ZNF33B: variants seen among roughly 807,000 people sequenced by gnomAD.
ZNF33B encodes the protein zinc finger protein 11b (KOX 2).
Under a neutral mutation model 45.8 loss-of-function variants are expected in ZNF33B, and 29 were observed. The observed-to-expected ratio is 0.63, with a 90% CI of 0.47 to 0.86. The LOEUF (loss-of-function observed/expected upper bound fraction) is 0.86. ZNF33B is among the 40% of genes least tolerant of loss of function. The probability of loss-of-function intolerance (pLI) is 0.00; values close to 1 mark genes in which losing one functional copy is unlikely to be tolerated. For synonymous variants in ZNF33B, 305 were observed against 307.8 expected (o/e 0.99, Z 0.10); for missense variants, 831 against 909.9 (o/e 0.91, Z 1.12).
intron 4 of ZNF33B, among the ~76,000 whole-genome samples, chr10:42,623,613 T>C (rs1192385279): frequency 1.3e-5 from 2 of 152,164 alleles, no homozygotes; most frequent in Admixed American, 1.3e-4. Flanking sequence ...ACATGAAATA[T>C]TCACAACATT....
chr10:42,636,425 T>A (rs1839302651), intron 2 of ZNF33B, among the ~76,000 whole-genome samples: 1 of 152,220 alleles, frequency 6.6e-6, no homozygotes, highest in Admixed American at 6.5e-5. Flanking sequence ...AAGAAACACA[T>A]GAAGCTCAAC....
Position 42,591,474 on chromosome 10 carries a change from A to T in ZNF33B, c.*1139T>A. On this transcript the variant is annotated 3_prime_UTR_variant, in exon 5 of 5. Transcript: ENST00000359467. ...TTTGATTTATAACTTTTAAATGGAT[A>T]AACATTAGCTCTGTGGGTCTCTATT... 3.5e-6 allele frequency: 1 copy of T among 287,066 alleles called. No homozygotes were observed. Among genetic ancestry groups the T allele is most frequent in the Non-Finnish European group, 5.2e-6 (1 of 191,434 alleles). 17.8% of individuals were successfully genotyped at this position (287,066 alleles called of 1,614,324 possible).
chr10:42,618,725 T>C (rs1203498537), intron 4 of ZNF33B, among the ~76,000 whole-genome samples: 2 of 152,184 alleles, frequency 1.3e-5, no homozygotes, highest in Non-Finnish European at 2.9e-5. Context: ...ATATATTAGT[T>C]TTCTTCAACA....
At chr10:42,609,264 A>G (rs1224135729) in intron 4 of ZNF33B, among the ~76,000 whole-genome samples, 2 of 152,096 alleles carry the variant, frequency 1.3e-5, no homozygotes, top group African/African-American at 2.4e-5. Context: ...AAAAAATTAC[A>G]AAAAATTAGC....
downstream of ZNF33B, among the ~76,000 whole-genome samples, chr10:42,584,525 CTT>C (rs200015044): frequency 2.1e-5 from 3 of 143,792 alleles, no homozygotes; most frequent in Admixed American, 7.0e-5. Context: ...TTCCTTTGAG[CTT>C]TTTTTTTTTT....
intron 4 of ZNF33B, among the ~76,000 whole-genome samples, chr10:42,619,387 CTAGCTG>C (rs1258749880): frequency 2.0e-5 from 3 of 152,118 alleles, no homozygotes; most frequent in Admixed American, 6.6e-5. Context: ...TGAGAATTCT[CTAGCTG>C]GTAAAACTGT....
rs201546399 is a variant in ZNF33B at position 42,575,712 on chromosome 10, A to ATG, written c.74-1035_74-1034insCA. 1.2e-3 allele frequency among the ~76,000 whole-genome samples: 134 copies of ATG among 115,990 alleles called. 1 individual carries two copies. Among genetic ancestry groups the ATG allele is most frequent in the African/African-American group, 6.6e-3 (131 of 19,982 alleles). 76.1% of individuals were successfully genotyped at this position (115,990 alleles called of 152,430 possible). A position where few individuals can be genotyped will look rare whatever the true frequency, so the allele number is the denominator to read the frequency against. On this transcript the variant is annotated intron_variant, in intron 1 of 1. Transcript: ENST00000462075. ...ATAAGTTTATAATGACTGCATAATA[A>ATG]TATATATATATATATACATATATAT...
Position 42,593,511 on chromosome 10 carries a change from T to C in ZNF33B, c.1439A>G (p.Gln480Arg). 6.2e-7 allele frequency: 1 copy of C among 1,614,084 alleles called. No individual in the cohort carries two copies. The highest frequency in any genetic ancestry group is 1.1e-5 in the South Asian group (1 of 91,084). The change falls in exon 5 of 5, where the codon CAA becomes CGA. Residue 480 changes from glutamine to arginine, a missense_variant. Coordinates refer to ENST00000359467, the MANE Select transcript of ZNF33B (RefSeq NM_006955.3). The part of the protein sequence containing the change: ...ECLECGKSFC[Q>R]KSHLTQHQRT... ...CTGATGCTGTGTAAGATGTGACTTT[T>C]GACAAAAGGATTTCCCACACTCAAG...
chr10:42,632,505 T>C (rs1839107971), intron 2 of ZNF33B, 66 bp from the exon 3 acceptor site: 18 of 1,556,382 alleles, frequency 1.2e-5, no homozygotes, highest in Admixed American at 2.2e-5. Flanking sequence ...ATGATTATTA[T>C]TCACAGAATA....
intron 4 of ZNF33B, among the ~76,000 whole-genome samples, chr10:42,628,544 T>C (rs1262781747): frequency 6.6e-6 from 1 of 152,232 alleles, no homozygotes; most frequent in Non-Finnish European, 1.5e-5. Context: ...CATTGCATTT[T>C]TGTTGGATTG....
Position 42,591,885 on chromosome 10 carries a change from T to C in ZNF33B, c.*728A>G, listed in dbSNP as rs1404516863. 1.3e-5 allele frequency: 2 copies of C among 152,358 alleles called. No individual in the cohort carries two copies. Among genetic ancestry groups the C allele is most frequent in the Middle Eastern group, 3.4e-3 (1 of 294 alleles). 9.4% of individuals were successfully genotyped at this position (152,358 alleles called of 1,614,324 possible). On this transcript the variant is annotated 3_prime_UTR_variant, in exon 5 of 5. Transcript: ENST00000359467. ...ACTCCTTTTCCATTCTGTAAACTAA[T>C]TGTGTTGATGGTTACTCAAATGTAA...
intron 2 of ZNF33B, among the ~76,000 whole-genome samples, chr10:42,633,156 A>G (rs1488342147): frequency 3.3e-5 from 5 of 152,226 alleles, no homozygotes; most frequent in Admixed American, 3.3e-4. Context: ...AAAGCCTGAC[A>G]TTTTCTTCAT....
intron 1 of ZNF33B, among the ~76,000 whole-genome samples, chr10:42,580,282 C>A (rs1352011718): frequency 6.6e-6 from 1 of 152,094 alleles, no homozygotes; most frequent in African/African-American, 2.4e-5. Context: ...ACTCTGTCAC[C>A]CAGGCTGGAG....
intron 1 of ZNF33B, among the ~76,000 whole-genome samples, chr10:42,638,172 C>G (rs372076202): frequency 6.6e-6 from 1 of 152,256 alleles, no homozygotes; most frequent in Non-Finnish European, 1.5e-5. Context: ...GGCGTAAACA[C>G]GCTCAACCAG....
rs1837016351 is a variant in ZNF33B, at chr10:42,589,487, T to C, written c.*3126A>G. ...TCAACTCTCAGCAACCACTGGTCCT[T>C]TGACTCGCTCGATAGTTTTGCCTCT... On this transcript the variant is annotated 3_prime_UTR_variant, in exon 5 of 5. Transcript: ENST00000359467. 1 of 152,252 alleles carries C rather than the reference T, an allele frequency of 6.6e-6. No homozygotes were observed. The highest frequency in any genetic ancestry group is 6.5e-5 in the Admixed American group (1 of 15,284). The allele number at this position is 152,252 out of a possible 1,614,324, so 9.4% of individuals were successfully genotyped here. A position where few individuals can be genotyped will look rare whatever the true frequency, so the allele number is the denominator to read the frequency against.
intron 4 of ZNF33B, among the ~76,000 whole-genome samples, chr10:42,611,871 T>G (rs1170958003): frequency 6.6e-6 from 1 of 152,228 alleles, no homozygotes; most frequent in African/African-American, 2.4e-5. Flanking sequence ...AATTTTCTCC[T>G]TAGGCAATCA....
chr10:42,579,894 A>C (rs1306591966), intron 1 of ZNF33B: 1 of 154,372 alleles, frequency 6.5e-6, no homozygotes, highest in Non-Finnish European at 1.5e-5. Context: ...CCTTGGAGTC[A>C]AAGAAAAAAG....
chr10:42,638,521 C>G lies in ZNF33B; in HGVS notation c.-92G>C, dbSNP rs188230274. 1 of 483,756 alleles carries G rather than the reference C, an allele frequency of 2.1e-6. No homozygotes were observed. Among genetic ancestry groups the G allele is most frequent in the East Asian group, 6.1e-5 (1 of 16,520 alleles). 30.0% of individuals were successfully genotyped at this position (483,756 alleles called of 1,614,324 possible). A position where few individuals can be genotyped will look rare whatever the true frequency, so the allele number is the denominator to read the frequency against. Reference sequence around the variant, plus strand: ...TTCGCCATAAGAGAGCCGGTAGACCCCTGAAATCCCGGGACCGCCTCCCAC... The same window carrying G: ...TTCGCCATAAGAGAGCCGGTAGACCGCTGAAATCCCGGGACCGCCTCCCAC... On this transcript the variant is annotated 5_prime_UTR_variant, in exon 1 of 5. Coordinates refer to ENST00000359467, the MANE Select transcript of ZNF33B (RefSeq NM_006955.3).
rs887464235 is a variant in ZNF33B at position 42,592,499 on chromosome 10, G to A, written c.*114C>T. The A allele has an allele frequency of 5.8e-5, 80 of 1,389,334 alleles. No individual in the cohort carries two copies. The highest frequency in any genetic ancestry group is 4.1e-4 in the Admixed American group (18 of 44,428). 86.1% of individuals were successfully genotyped at this position (1,389,334 alleles called of 1,614,324 possible). On this transcript the variant is annotated 3_prime_UTR_variant, in exon 5 of 5. Coordinates refer to ENST00000359467, the MANE Select transcript of ZNF33B (RefSeq NM_006955.3). ...CTGTTACTTTGGAGTAACATAAGGC[G>A]AGTTTGTGGATAGTTATTGAACATT...
Sources: allele counts gnomAD v4.1 joint callset (sites outside exome capture counted in the v4.1 genomes callset), GRCh38; gene constraint gnomAD v4.1.1; transcripts MANE v1.5; gene names NCBI Gene and HGNC (gene_info 2026-07-23, HGNC 2026-07-21).